Variants in EYS observed in about 807,000 individuals in gnomAD.
EYS encodes protein eyes shut homolog.
EYS carries 250 observed loss-of-function variants against 282.1 expected under a neutral mutation model. That is an observed-to-expected ratio of 0.89 (90% confidence interval 0.80 to 0.98). EYS has a LOEUF of 0.98. EYS is among the 50% of genes least tolerant of loss of function. The pLI is 0.00. For synonymous variants in EYS, 1,355 were observed against 1,282.9 expected (o/e 1.06, Z -1.20); for missense variants, 4,016 against 3,709.0 (o/e 1.08, Z -2.15).
intron 29 of EYS, among the ~76,000 whole-genome samples, chr6:64,327,905 A>C (rs929947784): frequency 6.6e-6 from 1 of 152,134 alleles, no homozygotes; most frequent in Non-Finnish European, 1.5e-5. Flanking sequence ...TGCAGAGAGG[A>C]GCCAGAGCCC....
At chr6:65,582,892 G>A (rs1343246754) in intron 2 of EYS, among the ~76,000 whole-genome samples, 2 of 151,948 alleles carry the variant, frequency 1.3e-5, no homozygotes, top group South Asian at 2.1e-4. Context: ...ACATTAAAAT[G>A]TTTATGCCTA....
At chr6:64,707,663 CAAAAAAA>C (rs59172308) in intron 22 of EYS, among the ~76,000 whole-genome samples, 1 of 101,004 alleles carries the variant, frequency 9.9e-6, no homozygotes. Flanking sequence ...AGACTCGTAT[CAAAAAAA>C]AAAAAAAAAA....
intron 22 of EYS, among the ~76,000 whole-genome samples, chr6:64,757,823 C>T (rs1462224473): frequency 6.6e-6 from 1 of 151,722 alleles, no homozygotes; most frequent in East Asian, 1.9e-4. Flanking sequence ...CTCGCTCTGT[C>T]GCCCAGGCAG....
intron 39 of EYS, among the ~76,000 whole-genome samples, chr6:63,781,361 T>A (rs1770221281): frequency 6.6e-6 from 1 of 152,346 alleles, no homozygotes; most frequent in Admixed American, 6.5e-5. Flanking sequence ...TTTCATGATA[T>A]TGATTCTTCC....
At chr6:64,489,955 C>A (rs1776687605) in intron 26 of EYS, among the ~76,000 whole-genome samples, 1 of 150,736 alleles carries the variant, frequency 6.6e-6, no homozygotes, top group Non-Finnish European at 1.5e-5. Flanking sequence ...GATAGTGACT[C>A]AAGCACACTT....
chr6:65,539,384 A>G (rs945452684), intron 2 of EYS, among the ~76,000 whole-genome samples: 3 of 152,194 alleles, frequency 2.0e-5, no homozygotes, highest in African/African-American at 7.2e-5. Flanking sequence ...AAAATTTCCT[A>G]AAACAAACTT....
In EYS at chr6:64,593,249, T is replaced by C. The variant is rs1455048877; in HGVS notation, c.3745A>G (p.Ile1249Val). ...GAAATGGGATCTGTTCTTTGAAAGA[T>C]GGGAGTTAAACAGGTAATTCTCCTT... ...EIRRITCLTP[I>V]FQRTDPISTQ... The change falls in exon 25 of 43, where the codon ATC becomes GTC. Residue 1249 changes from isoleucine to valine, a missense_variant. Ile to Val is a conservative substitution (Grantham distance 29, BLOSUM62 3). Transcript: ENST00000503581. 5.2e-6 allele frequency: 8 copies of C among 1,550,708 alleles called. No individual in the cohort carries two copies. The East Asian group carries it at 7.4e-5, about 14-fold the overall frequency.
At position 65,210,994 on chromosome 6, in the gene EYS, A is replaced by G. The variant is rs144895644; in HGVS notation, c.2023+84869T>C. On this transcript the variant is annotated intron_variant, in intron 12 of 42. Transcript: ENST00000503581. The stretch of plus-strand genomic sequence containing the variant: ...ACATGGTTACTGAAAAGTGAGAGAT[A>G]AATATACTAGTCAGTGTCTAACTGG... Among the ~76,000 whole-genome samples, 223 of 152,052 alleles carry G rather than the reference A, an allele frequency of 1.5e-3. 1 individual carries two copies. Among genetic ancestry groups the G allele is most frequent in the African/African-American group, 4.8e-3 (198 of 41,544 alleles).
At chr6:65,313,018 T>C (rs1769201619) in intron 11 of EYS, among the ~76,000 whole-genome samples, 1 of 152,158 alleles carries the variant, frequency 6.6e-6, no homozygotes, top group African/African-American at 2.4e-5. Context: ...AGAGATCCCC[T>C]ACTGTTTCGT....
chr6:65,034,668 G>T (rs927338720), intron 13 of EYS, among the ~76,000 whole-genome samples: 2 of 152,082 alleles, frequency 1.3e-5, no homozygotes, highest in Non-Finnish European at 2.9e-5. Context: ...TAGAAGCTGA[G>T]CAGGTGCCAG....
At chr6:64,259,649 C>T (rs771102339) in intron 30 of EYS, among the ~76,000 whole-genome samples, 37 of 78,584 alleles carry the variant, frequency 4.7e-4, no homozygotes, top group East Asian at 4.3e-3. Flanking sequence ...TTTACACACG[C>T]GCACACACAC....
intron 12 of EYS, among the ~76,000 whole-genome samples, chr6:65,275,583 A>G (rs1768023212): frequency 6.6e-6 from 1 of 152,200 alleles, no homozygotes; most frequent in Non-Finnish European, 1.5e-5. Context: ...AAGAAGACTT[A>G]GGCCAGGTTG....
chr6:65,646,508 T>C (rs1039423583), intron 1 of EYS, among the ~76,000 whole-genome samples: 1 of 152,128 alleles, frequency 6.6e-6, no homozygotes, highest in African/African-American at 2.4e-5. Flanking sequence ...AAAAGTGGAA[T>C]AGAAGGGACA....
At chr6:64,209,733 TTC>T (rs1378063376) in intron 31 of EYS, among the ~76,000 whole-genome samples, 3 of 152,148 alleles carry the variant, frequency 2.0e-5, no homozygotes, top group African/African-American at 4.8e-5. Flanking sequence ...CTTTACTAGT[TTC>T]TCTTTCTGCC....
intron 12 of EYS, among the ~76,000 whole-genome samples, chr6:65,271,347 C>A (rs1410161138): frequency 6.6e-6 from 1 of 151,036 alleles, no homozygotes; most frequent in African/African-American, 2.4e-5. Flanking sequence ...AGATCGATGT[C>A]TCAGCTCACA....
At chr6:65,626,258 C>T (rs1766685748) in intron 2 of EYS, among the ~76,000 whole-genome samples, 1 of 152,188 alleles carries the variant, frequency 6.6e-6, no homozygotes. Flanking sequence ...TTCATCAAGT[C>T]ACACAGTTCA....
chr6:64,818,494 G>C (rs1764807743), intron 21 of EYS, among the ~76,000 whole-genome samples: 1 of 152,136 alleles, frequency 6.6e-6, no homozygotes, highest in South Asian at 2.1e-4. Flanking sequence ...TAGGCCGTCT[G>C]CAAGGTGAGG....
At chr6:65,266,989 T>TAGAGAGAGAGAGAGAG (rs1554173094) in intron 12 of EYS, among the ~76,000 whole-genome samples, 5 of 142,072 alleles carry the variant, frequency 3.5e-5, no homozygotes, top group Non-Finnish European at 3.0e-5. Flanking sequence ...TATATATATA[T>TAGAGAGAGAGAGAGAG]AGAGAGAGAG....
At chr6:63,908,543 C>T (rs955941209) in intron 35 of EYS, among the ~76,000 whole-genome samples, 1 of 152,030 alleles carries the variant, frequency 6.6e-6, no homozygotes, top group Non-Finnish European at 1.5e-5. Flanking sequence ...CTCCACATCC[C>T]GGGTTCAAGT....
Sources: allele counts gnomAD v4.1 joint callset (sites outside exome capture counted in the v4.1 genomes callset), GRCh38; gene constraint gnomAD v4.1.1; transcripts MANE v1.5; gene names NCBI Gene and HGNC (gene_info 2026-07-23, HGNC 2026-07-21).